Variants in PCNX2 observed in about 807,000 individuals in gnomAD.
PCNX2 encodes the protein pecanex 2.
PCNX2 carries 168 observed loss-of-function variants against 223.8 expected under a neutral mutation model. The observed-to-expected ratio is 0.75, with a 90% CI of 0.66 to 0.85. PCNX2 has a LOEUF of 0.85. Among genes scored for constraint, PCNX2 ranks in the 40% least tolerant of loss-of-function variants. The probability of loss-of-function intolerance (pLI) is 0.00; values close to 1 mark genes in which losing one functional copy is unlikely to be tolerated. For missense variants in PCNX2, 2,507 were observed against 2,675.5 expected, an observed-to-expected ratio of 0.94 and a Z score of 1.39; for synonymous variants, 1,006 against 1,052.6, an observed-to-expected ratio of 0.96 and a Z score of 0.86.
intron 9 of PCNX2, among the ~76,000 whole-genome samples, chr1:233,230,676 A>G (rs972610007): frequency 6.6e-6 from 1 of 152,218 alleles, no homozygotes; most frequent in Admixed American, 6.5e-5. Flanking sequence ...AGGAAAGGAT[A>G]AAAGTTGAAC....
intron 1 of PCNX2, among the ~76,000 whole-genome samples, chr1:233,287,175 C>T (rs971384885): frequency 6.6e-6 from 1 of 152,212 alleles, no homozygotes; most frequent in Admixed American, 6.5e-5. Flanking sequence ...GTATAAAATA[C>T]CACTGCAAGA....
chr1:233,161,244 A>G (rs1303293569), intron 18 of PCNX2, 27 bp downstream of exon 18: 6 of 1,580,726 alleles, frequency 3.8e-6, no homozygotes, highest in South Asian at 1.1e-5. Flanking sequence ...AGGGGGCAGG[A>G]AGAGTACAAA....
intron 21 of PCNX2, among the ~76,000 whole-genome samples, chr1:233,124,721 T>C (rs935770984): frequency 6.6e-6 from 1 of 152,262 alleles, no homozygotes; most frequent in Non-Finnish European, 1.5e-5. Flanking sequence ...AATGTAGAGA[T>C]GGCATCATTA....
In PCNX2 at chr1:233,275,761, G is replaced by A. The variant is rs1272895372; in HGVS notation, c.154-12598C>T. Among the ~76,000 whole-genome samples, 9 of 151,856 alleles carry A rather than the reference G, an allele frequency of 5.9e-5. No individual in the cohort carries two copies. The East Asian group carries it at 9.8e-4, about 17-fold the overall frequency. The stretch of plus-strand genomic sequence containing the variant: ...TAGACAAGGGGTGAGGCTGGGCTCA[G>A]TGGCTCACGCCTGTAATCCCAGCAC... On this transcript the variant is annotated intron_variant, in intron 1 of 33. Transcript: ENST00000258229.
rs566720155 is a variant in PCNX2 at position 232,993,186 on chromosome 1, G to A, written c.5791+5065C>T. ...GAGTGAAAGTTTGGAACTTCCTAGA[G>A]ACTTGCCGAATGGTTTTGACCAAAA... is the stretch of plus-strand genomic sequence containing the variant. On this transcript the variant is annotated intron_variant, in intron 32 of 33. Coordinates refer to ENST00000258229, the MANE Select transcript of PCNX2 (RefSeq NM_014801.4). Among the ~76,000 whole-genome samples, 92 of 152,342 alleles carry A rather than the reference G, an allele frequency of 6.0e-4. 3 individuals carry two copies. The South Asian group carries it at 0.018, about 30-fold the overall frequency.
intron 21 of PCNX2, 65 bp from the exon 22 acceptor site, chr1:233,095,928 T>C (rs889318490): frequency 6.6e-6 from 8 of 1,203,012 alleles, no homozygotes; most frequent in Non-Finnish European, 9.5e-6. Context: ...TGCATCAAGG[T>C]CACTTAAAGG....
upstream of PCNX2, among the ~76,000 whole-genome samples, chr1:233,298,287 G>C (rs1452724759): frequency 6.6e-6 from 1 of 152,148 alleles, no homozygotes; most frequent in Non-Finnish European, 1.5e-5. Flanking sequence ...AATTCAAGAA[G>C]GACGTGATTA....
rs1042491406 is a variant in PCNX2 at position 233,119,803 on chromosome 1, G to A, written c.3837+15210C>T. Among the ~76,000 whole-genome samples, 9 of 152,136 alleles carry A rather than the reference G, an allele frequency of 5.9e-5. 1 individual carries two copies. Among genetic ancestry groups the A allele is most frequent in the Admixed American group, 5.9e-4 (9 of 15,276 alleles). On this transcript the variant is annotated intron_variant, in intron 21 of 33. Transcript: ENST00000258229. ...TGTACTACGAAAGACCCTATTAAGAGAAGGAAAAAACAAGCTACAGAGTGG... is the reference window on the plus strand; with the variant it reads ...TGTACTACGAAAGACCCTATTAAGAAAAGGAAAAAACAAGCTACAGAGTGG...
intron 1 of PCNX2, among the ~76,000 whole-genome samples, chr1:233,293,749 T>C (rs1661908740): frequency 6.6e-6 from 1 of 152,212 alleles, no homozygotes; most frequent in Non-Finnish European, 1.5e-5. Context: ...TCAGTTCTCA[T>C]ATTCACCCTA....
At chr1:233,145,141 A>AT (rs1677368071) in intron 19 of PCNX2, among the ~76,000 whole-genome samples, 1 of 151,086 alleles carries the variant, frequency 6.6e-6, no homozygotes, top group Admixed American at 6.6e-5. Context: ...ATTTTTTTGT[A>AT]TTTTTTAGTA....
chr1:233,250,675 T>G, intron 8 of PCNX2, 64 bp downstream of exon 8: 3 of 1,498,738 alleles, frequency 2.0e-6, no homozygotes, highest in Non-Finnish European at 2.7e-6. Context: ...CCTCACTTTA[T>G]CTTCATCGCT....
intron 25 of PCNX2, among the ~76,000 whole-genome samples, chr1:233,029,431 T>G (rs1258070605): frequency 6.6e-6 from 1 of 152,196 alleles, no homozygotes; most frequent in African/African-American, 2.4e-5. Context: ...AAACAATCAA[T>G]TCTAAAAGAT....
At chr1:232,995,823 GC>G in intron 32 of PCNX2, among the ~76,000 whole-genome samples, 1 of 152,140 alleles carries the variant, frequency 6.6e-6, no homozygotes, top group East Asian at 1.9e-4. Context: ...TCCAGGCAAG[GC>G]CAGTTCCAGG....
the PCNX2 span, among the ~76,000 whole-genome samples, chr1:233,303,258 A>T: frequency 1.3e-5 from 2 of 152,340 alleles, no homozygotes; most frequent in South Asian, 4.1e-4. Context: ...AATCATATAT[A>T]GTCCCAGCAC....
Position 233,075,765 on chromosome 1 carries a change from T to C in PCNX2, c.4076+14296A>G, listed in dbSNP as rs918897297. On this transcript the variant is annotated intron_variant, in intron 23 of 33. Transcript: ENST00000258229. ...ACAGAAAAGAAATCTCCATTGCAAA[T>C]AGCAGGCCTGAACATAGTGACTACC... 4.0e-5 allele frequency among the ~76,000 whole-genome samples: 6 copies of C among 149,000 alleles called. No individual in the cohort carries two copies. In the East Asian group the frequency reaches 1.2e-3, roughly 29 times the overall value.
At chr1:233,046,671 T>C (rs1199510814) in intron 25 of PCNX2, among the ~76,000 whole-genome samples, 1 of 152,210 alleles carries the variant, frequency 6.6e-6, no homozygotes, top group African/African-American at 2.4e-5. Flanking sequence ...GGGATATCAA[T>C]GAGCAATAGC....
chr1:233,320,533 C>A, the PCNX2 span, among the ~76,000 whole-genome samples: 1 of 152,148 alleles, frequency 6.6e-6, no homozygotes, highest in East Asian at 1.9e-4. Flanking sequence ...CTCTTGATAA[C>A]CACTAATCTT....
chr1:233,179,723 A>C (rs1204834448), intron 15 of PCNX2, among the ~76,000 whole-genome samples: 1 of 152,210 alleles, frequency 6.6e-6, no homozygotes, highest in Non-Finnish European at 1.5e-5. Context: ...CCTATCAACT[A>C]TCAGTTCTTA....
chr1:233,312,075 C>T, the PCNX2 span, among the ~76,000 whole-genome samples: 2 of 152,060 alleles, frequency 1.3e-5, no homozygotes, highest in African/African-American at 4.8e-5. Flanking sequence ...TTGCAGTGAG[C>T]CAAGACCTCA....
Sources: gnomAD v4.1 joint callset for allele counts (sites outside exome capture counted in the v4.1 genomes callset) on GRCh38, gnomAD v4.1.1 for gene constraint, MANE v1.5 for transcripts, NCBI Gene and HGNC (gene_info 2026-07-23, HGNC 2026-07-21) for gene names.